SRGAP1: variants seen among roughly 807,000 people sequenced by gnomAD.
The protein encoded by SRGAP1 is SLIT-ROBO Rho GTPase activating protein 1, also known as SLIT-ROBO Rho GTPase-activating protein 1.
In SRGAP1, 43 loss-of-function variants were observed where a neutral mutation model predicts 121.9. The observed-to-expected ratio is 0.35, with a 90% CI of 0.28 to 0.46. SRGAP1 has a LOEUF of 0.46. SRGAP1 is among the 20% of genes least tolerant of loss of function. SRGAP1 has a pLI of 1.00. For synonymous variants in SRGAP1, 447 were observed against 485.4 expected (o/e 0.92, Z 1.04); for missense variants, 1,102 against 1,350.9 (o/e 0.82, Z 2.89).
chr12:63,932,327 G>A (rs2031507386), intron 1 of SRGAP1, among the ~76,000 whole-genome samples: 1 of 152,256 alleles, frequency 6.6e-6, no homozygotes, highest in East Asian at 1.9e-4. Flanking sequence ...ACCGTAGAAT[G>A]TGTCAAATCA....
At chr12:64,133,381 G>C (rs974852008) in intron 21 of SRGAP1, among the ~76,000 whole-genome samples, 6 of 152,242 alleles carry the variant, frequency 3.9e-5, no homozygotes, top group Admixed American at 1.3e-4. Flanking sequence ...GGAGAAGTCT[G>C]GGGACCCATT....
At chr12:64,022,310 A>C (rs1414846757) in intron 4 of SRGAP1, among the ~76,000 whole-genome samples, 5 of 152,184 alleles carry the variant, frequency 3.3e-5, no homozygotes, top group African/African-American at 1.2e-4. Flanking sequence ...TTCAGGCCTG[A>C]AAACCAGGAA....
chr12:64,033,134 A>G (rs965374428), intron 4 of SRGAP1, among the ~76,000 whole-genome samples: 8 of 151,884 alleles, frequency 5.3e-5, no homozygotes, highest in Non-Finnish European at 1.0e-4. Flanking sequence ...CTCCCTTTGC[A>G]TATGTGTTCT....
At chr12:64,053,704 A>G (rs1448620184) in intron 6 of SRGAP1, among the ~76,000 whole-genome samples, 9 of 152,192 alleles carry the variant, frequency 5.9e-5, no homozygotes, top group Non-Finnish European at 1.3e-4. Flanking sequence ...AATAGATTGT[A>G]GTGTTTGTAA....
At chr12:63,908,368 A>T (rs1288817035) in intron 1 of SRGAP1, among the ~76,000 whole-genome samples, 1 of 152,134 alleles carries the variant, frequency 6.6e-6, no homozygotes, top group Non-Finnish European at 1.5e-5. Flanking sequence ...ATTTATTCAA[A>T]TCTTCTTTAA....
intron 6 of SRGAP1, among the ~76,000 whole-genome samples, chr12:64,051,649 C>T (rs2035241381): frequency 6.6e-6 from 1 of 152,112 alleles, no homozygotes; most frequent in Admixed American, 6.6e-5. Context: ...TTTGTCTTTT[C>T]TATATATTTA....
At chr12:63,845,819 G>C (rs980255188) in intron 1 of SRGAP1, among the ~76,000 whole-genome samples, 2 of 152,246 alleles carry the variant, frequency 1.3e-5, no homozygotes, top group East Asian at 3.9e-4. Context: ...GACCGCCACT[G>C]TTCTTTGACA....
intron 6 of SRGAP1, among the ~76,000 whole-genome samples, chr12:64,056,459 A>G (rs2035342855): frequency 1.3e-5 from 2 of 150,338 alleles, no homozygotes; most frequent in African/African-American, 4.9e-5. Context: ...AGGATGAGGC[A>G]GGAGAATCAC....
intron 1 of SRGAP1, chr12:63,888,193 T>C (rs17099889): frequency 0.097 from 14,830 of 152,292 alleles, 901 homozygotes; most frequent in African/African-American, 0.17. Flanking sequence ...TTACCAACTG[T>C]GTTCTCTTCT....
Position 64,055,744 on chromosome 12 carries a change from T to C in SRGAP1, c.802-7173T>C, listed in dbSNP as rs558230461. Among the ~76,000 whole-genome samples the C allele has an allele frequency of 3.3e-5, 5 of 152,290 alleles. No homozygotes were observed. The South Asian group carries it at 1.0e-3, about 32-fold the overall frequency. ...CTTTGCTTAAAGGAAGCTGCACCAA[T>C]CTGGTTTCCTCCTGCAGTATGGGCT... On this transcript the variant is annotated intron_variant, in intron 6 of 21. Transcript: ENST00000355086.
intron 16 of SRGAP1, among the ~76,000 whole-genome samples, chr12:64,111,079 A>C (rs1366859337): frequency 6.6e-6 from 1 of 152,208 alleles, no homozygotes; most frequent in Non-Finnish European, 1.5e-5. Flanking sequence ...TATTTCACAA[A>C]TACCCATTGA....
intron 15 of SRGAP1, among the ~76,000 whole-genome samples, chr12:64,103,741 T>A (rs1327026086): frequency 6.6e-6 from 1 of 152,240 alleles, no homozygotes; most frequent in East Asian, 1.9e-4. Flanking sequence ...ACTCAGTTTC[T>A]TTACTAACCT....
intron 1 of SRGAP1, among the ~76,000 whole-genome samples, chr12:63,898,707 A>G (rs934296396): frequency 2.0e-5 from 3 of 152,202 alleles, no homozygotes; most frequent in Non-Finnish European, 4.4e-5. Context: ...TAAGCTATTA[A>G]ATGTATATTG....
intron 4 of SRGAP1, among the ~76,000 whole-genome samples, chr12:64,040,665 G>C (rs1481886498): frequency 6.6e-6 from 1 of 152,134 alleles, no homozygotes; most frequent in Non-Finnish European, 1.5e-5. Context: ...TCTGAAATCT[G>C]TGACTGTTAC....
In SRGAP1 at chr12:64,147,021, A is replaced by G. The variant is rs955775706; in HGVS notation, c.*4349A>G. 1 of 153,724 alleles carries G rather than the reference A, an allele frequency of 6.5e-6. No homozygotes were observed. Among genetic ancestry groups the G allele is most frequent in the East Asian group, 1.9e-4 (1 of 5,226 alleles). The allele number at this position is 153,724 out of a possible 1,614,324, so 9.5% of individuals were successfully genotyped here. A position where few individuals can be genotyped will look rare whatever the true frequency, so the allele number is the denominator to read the frequency against. ...CTTAGAAACTTTAGTAAAAGAAAAT[A>G]TATGAACCGTGCATTTGTGAATGCC... is the stretch of plus-strand genomic sequence containing the variant. On this transcript the variant is annotated 3_prime_UTR_variant, in exon 22 of 22. Transcript: ENST00000355086.
At chr12:63,913,454 C>CATATATATATATATATATATATAT (rs570506869) in intron 1 of SRGAP1, among the ~76,000 whole-genome samples, 7 of 124,110 alleles carry the variant, frequency 5.6e-5, no homozygotes, top group Admixed American at 2.5e-4. Flanking sequence ...ACTGTGTCCA[C>CATATATATATATATATATATATAT]ATATATATAT....
At chr12:64,094,475 G>A (rs1287106626) in intron 12 of SRGAP1, among the ~76,000 whole-genome samples, 6 of 152,078 alleles carry the variant, frequency 3.9e-5, no homozygotes, top group Admixed American at 3.9e-4. Flanking sequence ...CTCATATTAT[G>A]CATCTATAGA....
chr12:64,107,467 T>C (rs1466780373), intron 15 of SRGAP1, among the ~76,000 whole-genome samples: 1 of 152,164 alleles, frequency 6.6e-6, no homozygotes, highest in Non-Finnish European at 1.5e-5. Flanking sequence ...AGTTAGAAAA[T>C]TAGCAGTGAG....
chr12:63,857,324 C>G (rs1320103247), intron 1 of SRGAP1, among the ~76,000 whole-genome samples: 1 of 151,854 alleles, frequency 6.6e-6, no homozygotes, highest in Non-Finnish European at 1.5e-5. Flanking sequence ...GATGATTCAC[C>G]CACCTTGGCC....
Sources: allele counts gnomAD v4.1 joint callset (sites outside exome capture counted in the v4.1 genomes callset), GRCh38; gene constraint gnomAD v4.1.1; transcripts MANE v1.5; gene names NCBI Gene and HGNC (gene_info 2026-07-23, HGNC 2026-07-21).